CASD1: variants seen among roughly 807,000 people sequenced by gnomAD.
The protein encoded by CASD1 is CAS1 domain sialic acid O acetyltransferase 1, also known as N-acetylneuraminate (7)9-O-acetyltransferase.
A neutral mutation model predicts 100.0 loss-of-function variants in CASD1; 41 were observed. The ratio of observed to expected loss-of-function variants is 0.41; its 90% CI spans 0.32 to 0.53. The LOEUF is 0.53. Among genes scored for constraint, CASD1 ranks in the 20% least tolerant of loss-of-function variants. The probability of loss-of-function intolerance (pLI) is 0.25; values close to 1 mark genes in which losing one functional copy is unlikely to be tolerated. For missense variants in CASD1, 774 were observed against 948.7 expected, an observed-to-expected ratio of 0.82 and a Z score of 2.42; for synonymous variants, 321 against 315.6, an observed-to-expected ratio of 1.02 and a Z score of -0.18.
At chr7:94,623,465 T>G in the CASD1 span, 1 of 993,166 alleles carries the variant, frequency 1.0e-6, no homozygotes, top group Non-Finnish European at 1.6e-6. Flanking sequence ...CATTAAGGAT[T>G]AAAATGAAAA....
chr7:94,623,056 G>C, the CASD1 span, among the ~76,000 whole-genome samples: 1 of 152,096 alleles, frequency 6.6e-6, no homozygotes, highest in Non-Finnish European at 1.5e-5. Flanking sequence ...AAATGCTACT[G>C]TTAGTCCCAT....
At chr7:94,601,086 T>C in the CASD1 span, among the ~76,000 whole-genome samples, 1 of 152,162 alleles carries the variant, frequency 6.6e-6, no homozygotes, top group Admixed American at 6.6e-5. Flanking sequence ...TCCTAAAACA[T>C]ATATACATAT....
At chr7:94,526,697 G>A (rs1794586996) in intron 3 of CASD1, among the ~76,000 whole-genome samples, 1 of 152,188 alleles carries the variant, frequency 6.6e-6, no homozygotes, top group Non-Finnish European at 1.5e-5. Context: ...GGAGGCTGAG[G>A]TGGGAGGATT....
intron 14 of CASD1, among the ~76,000 whole-genome samples, chr7:94,550,813 T>G (rs1182770263): frequency 1.3e-5 from 2 of 152,162 alleles, no homozygotes; most frequent in East Asian, 3.8e-4. Flanking sequence ...GAAGGAAATG[T>G]TCAGTCTATT....
the CASD1 span, among the ~76,000 whole-genome samples, chr7:94,563,652 G>A: frequency 6.6e-6 from 1 of 151,738 alleles, no homozygotes; most frequent in South Asian, 2.1e-4. Flanking sequence ...TTCATTAATA[G>A]CACAGCCCTC....
At chr7:94,603,763 ATATT>A in the CASD1 span, among the ~76,000 whole-genome samples, 1,369 of 152,280 alleles carry the variant, frequency 9.0e-3, 18 homozygotes, top group African/African-American at 0.031. Flanking sequence ...TCTGATTACT[ATATT>A]TAGTAATTAC....
chr7:94,587,189 T>A, the CASD1 span: 1 of 985,336 alleles, frequency 1.0e-6, no homozygotes. Context: ...ATTGTCCTTG[T>A]ATTTGGAAGT....
intron 5 of CASD1, 137 bp from the exon 6 acceptor site, chr7:94,533,068 A>G: frequency 2.0e-6 from 1 of 508,708 alleles, no homozygotes; most frequent in Non-Finnish European, 3.4e-6. Flanking sequence ...ATAAGCAATA[A>G]TAATAAGGAA....
intron 12 of CASD1, among the ~76,000 whole-genome samples, chr7:94,546,540 T>G (rs568727481): frequency 4.0e-4 from 61 of 152,124 alleles, no homozygotes; most frequent in Non-Finnish European, 7.2e-4. Context: ...CAGTAGTGTC[T>G]TTGGACAGCC....
the CASD1 span, among the ~76,000 whole-genome samples, chr7:94,591,661 CTG>C: frequency 1.5e-4 from 23 of 152,290 alleles, no homozygotes; most frequent in Admixed American, 1.2e-3. Flanking sequence ...ACTGACCTTT[CTG>C]TGGAATTTAG....
chr7:94,572,312 C>T, the CASD1 span, among the ~76,000 whole-genome samples: 1 of 152,120 alleles, frequency 6.6e-6, no homozygotes, highest in African/African-American at 2.4e-5. Flanking sequence ...CCTGGAATAT[C>T]TTTTCTTCTG....
At position 94,537,958 on chromosome 7, in the gene CASD1, A is replaced by G. The variant is rs889745271; in HGVS notation, c.1266+64A>G. ...TGTCTCATTACATACTCTGTGTTAA[A>G]GAACTAATATCATTTATCATGACAA... On this transcript the variant is annotated intron_variant, in intron 9 of 17. Transcript: ENST00000297273. 1.1e-5 allele frequency: 10 copies of G among 891,974 alleles called. No individual in the cohort carries two copies. The African/African-American group carries it at 1.7e-4, about 15-fold the overall frequency. The allele number at this position is 891,974 out of a possible 1,614,324, so 55.3% of individuals were successfully genotyped here.
At position 94,555,946 on chromosome 7, in the gene CASD1, T is replaced by TACTAAAACAAACAA; in HGVS notation, c.*191_*204dup. Reference sequence around the variant, plus strand: ...GGAAATGTACATATCCAATATGAAATACTAAAACAAACAAACAAACAAAAA... The same window carrying TACTAAAACAAACAA: ...GGAAATGTACATATCCAATATGAAATACTAAAACAAACAAACTAAAACAAACAAACAAACAAAAA... On this transcript the variant is annotated 3_prime_UTR_variant, in exon 18 of 18. Coordinates refer to ENST00000297273, the MANE Select transcript of CASD1 (RefSeq NM_022900.5). 1 of 565,066 alleles carries TACTAAAACAAACAA rather than the reference T, an allele frequency of 1.8e-6. No homozygotes were observed. Among genetic ancestry groups the TACTAAAACAAACAA allele is most frequent in the Non-Finnish European group, 3.0e-6 (1 of 334,334 alleles). The allele number at this position is 565,066 out of a possible 1,614,324, so 35.0% of individuals were successfully genotyped here.
chr7:94,628,464 G>C, the CASD1 span: 1 of 912,924 alleles, frequency 1.1e-6, no homozygotes, highest in Non-Finnish European at 1.7e-6. Context: ...TCTTACATTT[G>C]TAGCCAACTA....
At chr7:94,631,002 A>G in the CASD1 span, among the ~76,000 whole-genome samples, 1 of 152,008 alleles carries the variant, frequency 6.6e-6, no homozygotes, top group Non-Finnish European at 1.5e-5. Flanking sequence ...GGGGGAACTG[A>G]GCTAAAATAT....
intron 3 of CASD1, among the ~76,000 whole-genome samples, chr7:94,526,553 C>T (rs1041797394): frequency 6.6e-6 from 1 of 152,190 alleles, no homozygotes; most frequent in African/African-American, 2.4e-5. Context: ...CTTTGGGAGG[C>T]TGAGGTGAGT....
At chr7:94,578,423 A>C in the CASD1 span, among the ~76,000 whole-genome samples, 46 of 152,274 alleles carry the variant, frequency 3.0e-4, no homozygotes, top group East Asian at 8.3e-3. Flanking sequence ...CATGTTCTTG[A>C]GAGTCAAGTG....
At chr7:94,523,584 C>T (rs1794398606) in intron 3 of CASD1, among the ~76,000 whole-genome samples, 1 of 152,176 alleles carries the variant, frequency 6.6e-6, no homozygotes, top group Non-Finnish European at 1.5e-5. Flanking sequence ...ATATAATATA[C>T]TGTTTCCTTG....
the CASD1 span, among the ~76,000 whole-genome samples, chr7:94,607,307 C>G: frequency 1.3e-5 from 2 of 152,046 alleles, no homozygotes; most frequent in African/African-American, 4.8e-5. Flanking sequence ...CTATGAAACC[C>G]AAATTACCTT....
Sources: allele counts gnomAD v4.1 joint callset (sites outside exome capture counted in the v4.1 genomes callset), GRCh38; gene constraint gnomAD v4.1.1; transcripts MANE v1.5; gene names NCBI Gene and HGNC (gene_info 2026-07-23, HGNC 2026-07-21).